Variants in OMA1 observed in about 807,000 individuals in gnomAD.
OMA1 encodes metalloendopeptidase OMA1, mitochondrial.
OMA1 carries 38 observed loss-of-function variants against 30.9 expected under a neutral mutation model. The ratio of observed to expected loss-of-function variants is 1.23; its 90% confidence interval spans 0.95 to 1.61. The LOEUF is 1.61. Ranked by LOEUF, OMA1 falls within the 40% of genes most tolerant of loss-of-function variation. The probability of loss-of-function intolerance (pLI) is 0.00; values close to 1 mark genes in which losing one functional copy is unlikely to be tolerated. For missense variants in OMA1, 461 were observed against 349.2 expected, an observed-to-expected ratio of 1.32 and a Z score of -2.55; for synonymous variants, 173 against 121.9, an observed-to-expected ratio of 1.42 and a Z score of -2.76.
chr1:58,495,742 G>A (rs1175733915), intron 8 of OMA1, among the ~76,000 whole-genome samples: 1 of 151,776 alleles, frequency 6.6e-6, no homozygotes, highest in Non-Finnish European at 1.5e-5. Context: ...TCATACCAAA[G>A]TGTATTAGTT....
intron 1 of OMA1, among the ~76,000 whole-genome samples, chr1:58,543,709 A>G (rs939068701): frequency 6.6e-6 from 1 of 152,238 alleles, no homozygotes; most frequent in Non-Finnish European, 1.5e-5. Flanking sequence ...TCTTTAAAAG[A>G]TTTAAAAGAT....
At chr1:58,538,447 G>C (rs1298303394) in intron 2 of OMA1, among the ~76,000 whole-genome samples, 5 of 152,062 alleles carry the variant, frequency 3.3e-5, no homozygotes, top group Non-Finnish European at 7.4e-5. Flanking sequence ...GTGATAACCA[G>C]CACTTCTGAT....
chr1:58,495,425 T>A (rs901429108), intron 8 of OMA1, among the ~76,000 whole-genome samples: 1 of 151,950 alleles, frequency 6.6e-6, no homozygotes, highest in Admixed American at 6.6e-5. Flanking sequence ...ATAATAATAA[T>A]AATAATACAT....
At chr1:58,522,669 C>G (rs955711033) in intron 7 of OMA1, among the ~76,000 whole-genome samples, 2 of 152,162 alleles carry the variant, frequency 1.3e-5, no homozygotes, top group Non-Finnish European at 2.9e-5. Flanking sequence ...TCCCCCAAAA[C>G]CTAACTACTA....
At chr1:58,527,136 T>C (rs1261121670) in intron 7 of OMA1, 125 bp downstream of exon 7, 1 of 613,632 alleles carries the variant, frequency 1.6e-6, no homozygotes, top group East Asian at 2.7e-5. Flanking sequence ...TTAACAGAAA[T>C]TACATAAAGG....
rs1646566198 is a variant in OMA1, at chr1:58,539,290, C to T, written c.5G>A (p.Ser2Asn). 3.6e-6 allele frequency: 3 copies of T among 826,108 alleles called. No homozygotes were observed. Among genetic ancestry groups the T allele is most frequent in the Non-Finnish European group, 6.2e-6 (3 of 485,978 alleles). 51.2% of individuals were successfully genotyped at this position (826,108 alleles called of 1,614,324 possible). A position where few individuals can be genotyped will look rare whatever the true frequency, so the allele number is the denominator to read the frequency against. M[S>N]FICGLQSAAR... is the part of the protein sequence containing the mutation. ...AGCAGACTGCAATCCACAGATGAAG[C>T]TCATTTTTTCACTTGACTACCTGAA... Residue 2 changes from serine (S) to asparagine (N), a missense_variant, in exon 2 of 9, where the codon AGC becomes AAC. By Grantham distance (46) the Ser-to-Asn change is conservative. Coordinates refer to ENST00000371226, the MANE Select transcript of OMA1 (RefSeq NM_145243.5).
chr1:58,507,609 C>T (rs534055860), intron 7 of OMA1, among the ~76,000 whole-genome samples: 62 of 151,612 alleles, frequency 4.1e-4, no homozygotes, highest in African/African-American at 1.4e-3. Flanking sequence ...CAGGAATATA[C>T]AAGATAAATG....
chr1:58,480,826 T>C lies in OMA1; in HGVS notation c.*139A>G. On this transcript the variant is annotated 3_prime_UTR_variant, in exon 9 of 9. Transcript: ENST00000371226. ...ATGAAAAATAAATTCTAGAAGAATT[T>C]AGATAATATCTGTAATGTACATGAT... 1.8e-6 allele frequency: 1 copy of C among 544,466 alleles called. No homozygotes were observed. The highest frequency in any genetic ancestry group is 3.1e-5 in the East Asian group (1 of 31,788). 33.7% of individuals were successfully genotyped at this position (544,466 alleles called of 1,614,324 possible).
chr1:58,536,690 A>T lies in OMA1; in HGVS notation c.552T>A (p.Val184=). ...QALPPNKKEV[V]KENIRKNKWK... is the part of the protein sequence containing the mutation. ...ATTTATTCTTCCTTATATTTTCTTT[A>T]ACTACTTCCTTCTTGTTAGGAGGAA... The change falls in exon 3 of 9, where the codon GTT becomes GTA. Residue 184 remains valine, a synonymous_variant. Transcript: ENST00000371226. 2 of 872,806 alleles carry T rather than the reference A, an allele frequency of 2.3e-6. No homozygotes were observed. Among genetic ancestry groups the T allele is most frequent in the Non-Finnish European group, 4.0e-6 (2 of 501,606 alleles). The allele number at this position is 872,806 out of a possible 1,614,324, so 54.1% of individuals were successfully genotyped here. A position where few individuals can be genotyped will look rare whatever the true frequency, so the allele number is the denominator to read the frequency against.
chr1:58,498,219 T>C (rs1251643655), intron 8 of OMA1, among the ~76,000 whole-genome samples: 1 of 151,870 alleles, frequency 6.6e-6, no homozygotes, highest in Non-Finnish European at 1.5e-5. Flanking sequence ...TAAACATTTA[T>C]AATAATGGTA....
rs1646711781 is a variant in OMA1, at chr1:58,546,609, G to C, written c.-17+94C>G. On this transcript the variant is annotated intron_variant, in intron 1 of 8. Coordinates refer to ENST00000371226, the MANE Select transcript of OMA1 (RefSeq NM_145243.5). The stretch of plus-strand genomic sequence containing the variant: ...CCGGGCGCCCCCGCAGGCGCTCTGC[G>C]CTCCGCCCCCTCCCCACTGCCGCAC... 2.0e-5 allele frequency: 3 copies of C among 151,992 alleles called. No homozygotes were observed. The South Asian group carries it at 6.2e-4, about 32-fold the overall frequency. 9.4% of individuals were successfully genotyped at this position (151,992 alleles called of 1,614,324 possible).
chr1:58,511,715 A>G (rs1646080181), intron 7 of OMA1, among the ~76,000 whole-genome samples: 1 of 152,172 alleles, frequency 6.6e-6, no homozygotes, highest in African/African-American at 2.4e-5. Flanking sequence ...CTGAATATTC[A>G]CATGCAAAAG....
chr1:58,492,787 C>CA (rs1031579117), intron 8 of OMA1, among the ~76,000 whole-genome samples: 6 of 152,036 alleles, frequency 3.9e-5, no homozygotes, highest in African/African-American at 1.4e-4. Flanking sequence ...GCTTACCAAC[C>CA]AAAAAAAGTC....
intron 7 of OMA1, among the ~76,000 whole-genome samples, chr1:58,510,472 C>G (rs1646056170): frequency 6.6e-6 from 1 of 151,974 alleles, no homozygotes; most frequent in South Asian, 2.1e-4. Flanking sequence ...AAAAAATTAT[C>G]TCGACATAAT....
chr1:58,529,551 A>G (rs1293204431), intron 6 of OMA1, among the ~76,000 whole-genome samples: 2 of 152,220 alleles, frequency 1.3e-5, no homozygotes, highest in Non-Finnish European at 2.9e-5. Context: ...TTTCAAAGCA[A>G]TGATATTTTA....
At chr1:58,486,537 C>T (rs1476031416) in intron 8 of OMA1, among the ~76,000 whole-genome samples, 2 of 152,128 alleles carry the variant, frequency 1.3e-5, no homozygotes, top group Non-Finnish European at 2.9e-5. Context: ...ACACATCATG[C>T]AATCATTTAA....
intron 1 of OMA1, among the ~76,000 whole-genome samples, chr1:58,544,781 A>T (rs1021893923): frequency 9.9e-5 from 15 of 152,152 alleles, no homozygotes; most frequent in Admixed American, 6.5e-4. Context: ...TTTAGTAGAG[A>T]CGGGGTTTCG....
intron 2 of OMA1, among the ~76,000 whole-genome samples, chr1:58,537,360 A>T (rs914561387): frequency 1.3e-5 from 2 of 152,210 alleles, no homozygotes; most frequent in African/African-American, 4.8e-5. Flanking sequence ...TGATTCCACA[A>T]GGTACAAGGG....
chr1:58,529,992 T>C (rs1646409493), intron 6 of OMA1, among the ~76,000 whole-genome samples: 1 of 152,074 alleles, frequency 6.6e-6, no homozygotes, highest in Non-Finnish European at 1.5e-5. Flanking sequence ...GCCATTCTCC[T>C]GCCTCAGCCT....
Sources: allele counts gnomAD v4.1 joint callset (sites outside exome capture counted in the v4.1 genomes callset), GRCh38; gene constraint gnomAD v4.1.1; transcripts MANE v1.5; gene names NCBI Gene and HGNC (gene_info 2026-07-23, HGNC 2026-07-21).